Variants in DLGAP1 observed in about 807,000 individuals in gnomAD.
DLGAP1 encodes disks large-associated protein 1.
In DLGAP1, 11 loss-of-function variants were observed where a neutral mutation model predicts 90.8. The ratio of observed to expected loss-of-function variants is 0.12; its 90% CI spans 0.08 to 0.20. The LOEUF is 0.20. Ranked by LOEUF, DLGAP1 falls within the 10% of genes least tolerant of loss-of-function variation. DLGAP1 has a pLI of 1.00. For synonymous variants in DLGAP1, 558 were observed against 540.7 expected (o/e 1.03, Z -0.44); for missense variants, 1,050 against 1,333.8 (o/e 0.79, Z 3.31).
At chr18:4,279,485 A>C (rs1256184279) in intron 1 of DLGAP1, among the ~76,000 whole-genome samples, 1 of 152,202 alleles carries the variant, frequency 6.6e-6, no homozygotes, top group Non-Finnish European at 1.5e-5. Flanking sequence ...CATGGGCTTT[A>C]AAAAATAAAC....
At chr18:4,404,211 A>G (rs2082617004) in intron 1 of DLGAP1, among the ~76,000 whole-genome samples, 1 of 152,212 alleles carries the variant, frequency 6.6e-6, no homozygotes, top group Non-Finnish European at 1.5e-5. Context: ...ATGACTTGGA[A>G]AGAATAGATA....
At chr18:4,286,455 C>T (rs11660360) in intron 1 of DLGAP1, among the ~76,000 whole-genome samples, 4,623 of 152,076 alleles carry the variant, frequency 0.03, 159 homozygotes, top group African/African-American at 0.085. Context: ...CGGAGGATGA[C>T]GCTAATGCTG....
At chr18:3,760,921 C>T (rs994104876) in intron 5 of DLGAP1, among the ~76,000 whole-genome samples, 7 of 152,176 alleles carry the variant, frequency 4.6e-5, no homozygotes, top group African/African-American at 1.4e-4. Flanking sequence ...ACTGGTTCAT[C>T]AGTCTGAGTT....
intron 1 of DLGAP1, among the ~76,000 whole-genome samples, chr18:4,287,620 A>T (rs1342236508): frequency 2.0e-5 from 3 of 152,150 alleles, no homozygotes; most frequent in African/African-American, 4.8e-5. Flanking sequence ...ACATGTTCTC[A>T]CTCATAAGTG....
chr18:4,204,990 G>T (rs1054217928), intron 1 of DLGAP1, among the ~76,000 whole-genome samples: 3 of 151,416 alleles, frequency 2.0e-5, no homozygotes, highest in Non-Finnish European at 4.4e-5. Context: ...TTTGAAATCT[G>T]CTTTCTAACT....
At chr18:3,522,285 T>C (rs906298526) in intron 10 of DLGAP1, among the ~76,000 whole-genome samples, 5 of 151,594 alleles carry the variant, frequency 3.3e-5, no homozygotes, top group African/African-American at 9.7e-5. Context: ...TACATGCGCG[T>C]GCCACCACGC....
At chr18:3,631,055 A>G (rs942387993) in intron 7 of DLGAP1, among the ~76,000 whole-genome samples, 2 of 151,766 alleles carry the variant, frequency 1.3e-5, no homozygotes, top group African/African-American at 2.4e-5. Flanking sequence ...ATTTCGGCTC[A>G]TTGCATCCTC....
rs537669190 is a variant in DLGAP1, at chr18:4,144,105, T to C, written c.-159+7075A>G. 2.0e-5 allele frequency among the ~76,000 whole-genome samples: 3 copies of C among 152,300 alleles called. No individual in the cohort carries two copies. The South Asian group carries it at 6.2e-4, about 32-fold the overall frequency. On this transcript the variant is annotated intron_variant, in intron 2 of 12. Coordinates refer to ENST00000315677, the MANE Select transcript of DLGAP1 (RefSeq NM_004746.4). ...GGTGGCATAAGCACTTTCTTAGCTG[T>C]GTCAGCTGGTGTCCGACTAGATCGT...
chr18:4,363,944 G>A (rs1197729790), intron 1 of DLGAP1, among the ~76,000 whole-genome samples: 3 of 151,968 alleles, frequency 2.0e-5, no homozygotes, highest in Non-Finnish European at 2.9e-5. Context: ...CTGCTATAAA[G>A]ACATATGCAC....
At chr18:3,986,958 G>C (rs950740858) in intron 3 of DLGAP1, among the ~76,000 whole-genome samples, 4 of 152,158 alleles carry the variant, frequency 2.6e-5, no homozygotes, top group African/African-American at 9.7e-5. Context: ...GTTAATGCTC[G>C]ACACAGGACG....
intron 3 of DLGAP1, among the ~76,000 whole-genome samples, chr18:3,939,914 G>C (rs1482509662): frequency 1.3e-5 from 2 of 152,112 alleles, no homozygotes; most frequent in African/African-American, 4.8e-5. Context: ...GGTATGTGTG[G>C]TCCCTAGCTT....
At chr18:4,285,605 C>A (rs2079668222) in intron 1 of DLGAP1, among the ~76,000 whole-genome samples, 1 of 152,160 alleles carries the variant, frequency 6.6e-6, no homozygotes, top group African/African-American at 2.4e-5. Flanking sequence ...AGAATCACAG[C>A]AGATTCACAG....
chr18:3,546,162 G>A (rs1055881949), intron 9 of DLGAP1, among the ~76,000 whole-genome samples: 4 of 152,016 alleles, frequency 2.6e-5, no homozygotes, highest in African/African-American at 4.8e-5. Flanking sequence ...GGTGGCTCAC[G>A]CCTGTAACCT....
chr18:3,970,142 T>G (rs1229530303), intron 3 of DLGAP1, among the ~76,000 whole-genome samples: 2 of 152,194 alleles, frequency 1.3e-5, no homozygotes, highest in Non-Finnish European at 2.9e-5. Flanking sequence ...TTAAGATGAG[T>G]TGACTACCAT....
intron 7 of DLGAP1, among the ~76,000 whole-genome samples, chr18:3,639,869 C>T (rs1310382479): frequency 7.0e-6 from 1 of 142,064 alleles, no homozygotes; most frequent in Non-Finnish European, 1.5e-5. Context: ...ATTCTCCTGC[C>T]TCAGCCTTCG....
chr18:4,387,930 T>C (rs1676473), intron 1 of DLGAP1, among the ~76,000 whole-genome samples: 17,122 of 123,060 alleles, frequency 0.14, 1,540 homozygotes, highest in East Asian at 0.23. Context: ...CCATCACACA[T>C]ACACACACAC....
At chr18:3,830,159 T>C (rs182527405) in intron 4 of DLGAP1, among the ~76,000 whole-genome samples, 1 of 152,336 alleles carries the variant, frequency 6.6e-6, no homozygotes, top group Admixed American at 6.5e-5. Flanking sequence ...GGCATGTCAA[T>C]TTCATTGACA....
At chr18:3,890,952 G>C (rs941006885) in intron 3 of DLGAP1, among the ~76,000 whole-genome samples, 1 of 152,182 alleles carries the variant, frequency 6.6e-6, no homozygotes, top group Non-Finnish European at 1.5e-5. Context: ...CAGCCAAATA[G>C]TCTTTGACTG....
intron 1 of DLGAP1, among the ~76,000 whole-genome samples, chr18:4,433,878 C>T (rs1483934776): frequency 2.0e-5 from 3 of 152,258 alleles, no homozygotes; most frequent in Middle Eastern, 3.4e-3. Flanking sequence ...TTCATTGCTG[C>T]GTAAGGAATA....
Sources: allele counts gnomAD v4.1 joint callset (sites outside exome capture counted in the v4.1 genomes callset), GRCh38; gene constraint gnomAD v4.1.1; transcripts MANE v1.5; gene names NCBI Gene and HGNC (gene_info 2026-07-23, HGNC 2026-07-21).